Variants in BRDT observed in about 807,000 individuals in gnomAD.
The protein encoded by BRDT is bromodomain testis-specific protein.
Under a neutral mutation model 113.9 loss-of-function variants are expected in BRDT, and 77 were observed. That is an observed-to-expected ratio of 0.68 (90% CI 0.56 to 0.82). The LOEUF is 0.82. BRDT is among the 40% of genes least tolerant of loss of function. The pLI, the probability that BRDT is intolerant of heterozygous loss-of-function variation, is 0.00. For synonymous variants in BRDT, 358 were observed against 366.5 expected, an observed-to-expected ratio of 0.98 and a Z score of 0.26; for missense variants, 1,027 against 1,105.4, an observed-to-expected ratio of 0.93 and a Z score of 1.01.
Position 92,009,545 on chromosome 1 carries a change from C to CTTTTTTTT in BRDT, c.2775+4258_2775+4265dup, listed in dbSNP as rs59044630. On this transcript the variant is annotated intron_variant, in intron 18 of 18. Coordinates refer to ENST00000399546, the MANE Select transcript of BRDT (RefSeq NM_207189.4). ...TGTTTGCAGGTTTTTCAACTTGCCA[C>CTTTTTTTT]TTTTTTTTTTTTTTTTTTTCTCTTG... 2.0e-4 allele frequency among the ~76,000 whole-genome samples: 21 copies of CTTTTTTTT among 103,414 alleles called. 2 individuals are homozygous for CTTTTTTTT. The highest frequency in any genetic ancestry group is 3.5e-4 in the South Asian group (1 of 2,834). 67.8% of individuals were successfully genotyped at this position (103,414 alleles called of 152,430 possible).
At chr1:91,981,882 T>A in intron 12 of BRDT, 127 bp downstream of exon 12, 1 of 1,242,058 alleles carries the variant, frequency 8.1e-7, no homozygotes, top group Non-Finnish European at 1.1e-6. Context: ...TGCTAATTAT[T>A]TAATTGCATG....
chr1:92,010,672 C>T (rs1687715678), intron 18 of BRDT, among the ~76,000 whole-genome samples: 1 of 151,974 alleles, frequency 6.6e-6, no homozygotes. Flanking sequence ...AGTGTCTGAT[C>T]TTCTGTTAAC....
Position 91,972,006 on chromosome 1 carries a change from C to CT in BRDT, c.445+3758dup, listed in dbSNP as rs1002745728. ...ATCCATATCCTTCCAGCTATTGTTC[C>CT]TTTTTTTTTTTTCTTTCTTTCTTTC... On this transcript the variant is annotated intron_variant, in intron 4 of 18. Coordinates refer to ENST00000399546, the MANE Select transcript of BRDT (RefSeq NM_207189.4). 9.3e-3 allele frequency among the ~76,000 whole-genome samples: 1,350 copies of CT among 144,918 alleles called. 22 individuals carry two copies. Among genetic ancestry groups the CT allele is most frequent in the African/African-American group, 0.03 (1,207 of 39,744 alleles).
chr1:91,989,430 G>A (rs1685570853), intron 12 of BRDT, among the ~76,000 whole-genome samples: 1 of 151,802 alleles, frequency 6.6e-6, no homozygotes, highest in South Asian at 2.1e-4. Context: ...GTGCAATCTC[G>A]GCTCACTGCA....
intron 1 of BRDT, among the ~76,000 whole-genome samples, chr1:91,951,481 G>A (rs1007987209): frequency 6.6e-6 from 1 of 151,766 alleles, no homozygotes; most frequent in African/African-American, 2.4e-5. Flanking sequence ...GCGGGGGGGC[G>A]TGTATAGATG....
intron 3 of BRDT, among the ~76,000 whole-genome samples, chr1:91,966,904 A>G (rs140129266): frequency 1.0e-3 from 158 of 152,234 alleles, no homozygotes; most frequent in Non-Finnish European, 1.9e-3. Context: ...CCCTGTCTCT[A>G]CTAAAACTAC....
At chr1:91,963,988 C>T (rs1343522882) in intron 2 of BRDT, among the ~76,000 whole-genome samples, 8 of 152,014 alleles carry the variant, frequency 5.3e-5, no homozygotes, top group Admixed American at 5.2e-4. Context: ...TCTTGGGCCT[C>T]ACCCTCCCAA....
chr1:91,982,696 C>T (rs1337069076), intron 12 of BRDT, among the ~76,000 whole-genome samples: 4 of 152,064 alleles, frequency 2.6e-5, no homozygotes, highest in African/African-American at 9.7e-5. Context: ...ACTCTTAGTT[C>T]TGTTTAGTTT....
At chr1:91,949,935 G>A (rs1680868944) in intron 1 of BRDT, 1 of 151,006 alleles carries the variant, frequency 6.6e-6, no homozygotes, top group Non-Finnish European at 1.5e-5. Context: ...TGCCTGTACT[G>A]TAATTTTGGA....
intron 14 of BRDT, 37 bp from the exon 15 acceptor site, chr1:91,994,046 T>A (rs765517803): frequency 6.5e-7 from 1 of 1,548,590 alleles, no homozygotes; most frequent in Non-Finnish European, 8.7e-7. Flanking sequence ...TCTTGTATGG[T>A]TAAAACTAAG....
intron 15 of BRDT, among the ~76,000 whole-genome samples, chr1:92,001,280 T>C (rs1686811225): frequency 6.6e-6 from 1 of 152,256 alleles, no homozygotes; most frequent in Non-Finnish European, 1.5e-5. Flanking sequence ...TCCCAGTGCT[T>C]AGTACATAGT....
At chr1:91,968,306 CCTAT>C (rs761447494) in intron 4 of BRDT, 46 bp downstream of exon 4, 132 of 1,594,974 alleles carry the variant, frequency 8.3e-5, no homozygotes, top group Admixed American at 1.4e-4. Context: ...CTTTTTTTCC[CCTAT>C]CTATCTCATG....
intron 15 of BRDT, among the ~76,000 whole-genome samples, chr1:91,996,629 G>C (rs1195317688): frequency 6.6e-6 from 1 of 152,214 alleles, no homozygotes; most frequent in Admixed American, 6.5e-5. Flanking sequence ...TTAGGATTAA[G>C]TAAGGACACT....
At chr1:91,997,546 A>G (rs1228203461) in intron 15 of BRDT, among the ~76,000 whole-genome samples, 1 of 152,182 alleles carries the variant, frequency 6.6e-6, no homozygotes, top group Non-Finnish European at 1.5e-5. Context: ...AAAGGAATAG[A>G]TTATGAAAAA....
intron 18 of BRDT, among the ~76,000 whole-genome samples, chr1:92,011,479 T>G (rs1687791557): frequency 6.6e-6 from 1 of 152,138 alleles, no homozygotes; most frequent in Admixed American, 6.6e-5. Flanking sequence ...CTAAAGTCTT[T>G]CTTTTTTTTT....
chr1:91,992,210 C>A, intron 13 of BRDT, 54 bp from the exon 14 acceptor site: 2 of 967,568 alleles, frequency 2.1e-6, no homozygotes, highest in Non-Finnish European at 2.9e-6. Flanking sequence ...GAAATATAAT[C>A]ACATGGTTAA....
chr1:91,963,055 G>A (rs924497403), intron 2 of BRDT, 109 bp downstream of exon 2: 2 of 866,272 alleles, frequency 2.3e-6, no homozygotes, highest in Admixed American at 6.4e-5. Context: ...CAGGCGCGTT[G>A]GCTCCCGCCT....
At chr1:91,970,178 C>T (rs887472111) in intron 4 of BRDT, among the ~76,000 whole-genome samples, 2 of 152,036 alleles carry the variant, frequency 1.3e-5, no homozygotes, top group Non-Finnish European at 2.9e-5. Context: ...AATTACAAGA[C>T]AGTGCATTAT....
At chr1:91,968,304 C>G in intron 4 of BRDT, 44 bp downstream of exon 4, 1 of 1,596,638 alleles carries the variant, frequency 6.3e-7, no homozygotes, top group Non-Finnish European at 8.5e-7. Flanking sequence ...CTCTTTTTTT[C>G]CCCTATCTAT....
Sources: gnomAD v4.1 joint callset for allele counts (sites outside exome capture counted in the v4.1 genomes callset) on GRCh38, gnomAD v4.1.1 for gene constraint, MANE v1.5 for transcripts, NCBI Gene and HGNC (gene_info 2026-07-23, HGNC 2026-07-21) for gene names.